The following CNNM2 variants were observed in gnomAD, a reference collection of about 807,000 sequenced individuals.
CNNM2 encodes cyclin and CBS domain divalent metal cation transport mediator 2.
A neutral mutation model predicts 66.9 loss-of-function variants in CNNM2; 12 were observed. The observed-to-expected ratio is 0.18, with a 90% CI of 0.11 to 0.29. The LOEUF (loss-of-function observed/expected upper bound fraction) is 0.29, where lower values mean the gene tolerates loss of function less well. Ranked by LOEUF, CNNM2 falls within the 10% of genes least tolerant of loss-of-function variation. The probability of loss-of-function intolerance (pLI) is 1.00; values close to 1 mark genes in which losing one functional copy is unlikely to be tolerated. For missense variants in CNNM2, 705 were observed against 1,167.7 expected, an observed-to-expected ratio of 0.60 and a Z score of 5.77; for synonymous variants, 557 against 501.8, an observed-to-expected ratio of 1.11 and a Z score of -1.47.
intron 1 of CNNM2, among the ~76,000 whole-genome samples, chr10:103,006,432 C>T (rs938300985): frequency 6.6e-6 from 1 of 151,988 alleles, no homozygotes; most frequent in Admixed American, 6.6e-5. Flanking sequence ...GTCTTGAATC[C>T]GGACCTCAAG....
At chr10:102,952,296 G>C (rs1309892576) in intron 1 of CNNM2, among the ~76,000 whole-genome samples, 6 of 151,992 alleles carry the variant, frequency 3.9e-5, no homozygotes, top group Non-Finnish European at 7.4e-5. Flanking sequence ...CGGGCGCAGT[G>C]GCTCACGCCT....
intron 1 of CNNM2, among the ~76,000 whole-genome samples, chr10:102,939,334 T>C (rs1042574118): frequency 1.3e-5 from 2 of 152,228 alleles, no homozygotes; most frequent in African/African-American, 2.4e-5. Flanking sequence ...TCTTCAAGAA[T>C]AGCTAGTTAC....
At chr10:103,017,147 GTTTTC>G (rs1402748324) in intron 1 of CNNM2, among the ~76,000 whole-genome samples, 1 of 151,994 alleles carries the variant, frequency 6.6e-6, no homozygotes, top group Non-Finnish European at 1.5e-5. Context: ...GTGGATGTTT[GTTTTC>G]TTTTACGCTG....
At chr10:102,958,234 C>A (rs1236690396) in intron 1 of CNNM2, among the ~76,000 whole-genome samples, 1 of 152,092 alleles carries the variant, frequency 6.6e-6, no homozygotes, top group Non-Finnish European at 1.5e-5. Flanking sequence ...CTGCGCCCGG[C>A]CTGAGCCACT....
intron 1 of CNNM2, among the ~76,000 whole-genome samples, chr10:103,029,848 A>G (rs936504162): frequency 6.7e-6 from 1 of 149,492 alleles, no homozygotes; most frequent in African/African-American, 2.5e-5. Flanking sequence ...CCTGGGAGAC[A>G]GAGCAAGACT....
chr10:102,985,111 T>A (rs941514769), intron 1 of CNNM2, among the ~76,000 whole-genome samples: 3 of 152,206 alleles, frequency 2.0e-5, no homozygotes, highest in Non-Finnish European at 4.4e-5. Flanking sequence ...TTTTTTCTTT[T>A]TAACTTTCTG....
chr10:103,013,241 C>T (rs1666494298), intron 1 of CNNM2, among the ~76,000 whole-genome samples: 1 of 152,018 alleles, frequency 6.6e-6, no homozygotes, highest in Admixed American at 6.6e-5. Context: ...GATAAAAACC[C>T]AGGGAATGTT....
chr10:102,927,375 A>G lies in CNNM2; in HGVS notation c.1621+7274A>G, dbSNP rs750314392. 10 of 1,613,948 alleles carry G rather than the reference A, an allele frequency of 6.2e-6. No individual in the cohort carries two copies. The Admixed American group carries it at 1.3e-4, about 22-fold the overall frequency. ...ACAAACAAGAAACCCAAATCATACC[A>G]ACACTGAAAAGAAGAGACAATAAGA... On this transcript the variant is annotated intron_variant, in intron 1 of 7. Coordinates refer to ENST00000369878, the MANE Select transcript of CNNM2 (RefSeq NM_017649.5).
At chr10:102,927,217 T>C in intron 1 of CNNM2, 1 of 1,263,718 alleles carries the variant, frequency 7.9e-7, no homozygotes, top group South Asian at 1.4e-5. Context: ...GACAGTAAAC[T>C]TTCAATTCAT....
chr10:103,065,968 A>G (rs2065470005), intron 4 of CNNM2, among the ~76,000 whole-genome samples: 1 of 152,050 alleles, frequency 6.6e-6, no homozygotes, highest in Admixed American at 6.5e-5. Flanking sequence ...GGCCCCACAG[A>G]TGGGGATGTC....
Position 103,056,689 on chromosome 10 carries a change from C to A in CNNM2, c.1904-106C>A. On this transcript the variant is annotated intron_variant, in intron 3 of 7. Coordinates refer to ENST00000369878, the MANE Select transcript of CNNM2 (RefSeq NM_017649.5). ...GAAGCCTCGTCCATTCAAATGCTAT[C>A]ACTTTGATTCCAAGTATTCTTATCT... The A allele has an allele frequency of 6.6e-6, 7 of 1,068,194 alleles. No homozygotes were observed. The South Asian group carries it at 6.9e-5, about 11-fold the overall frequency. The allele number at this position is 1,068,194 out of a possible 1,614,324, so 66.2% of individuals were successfully genotyped here.
rs12241656 is a variant in CNNM2, at chr10:102,949,244, C to T, written c.1621+29143C>T. Among the ~76,000 whole-genome samples the T allele has an allele frequency of 0.11, 16,525 of 151,960 alleles. 913 individuals carry two copies. The highest frequency in any genetic ancestry group is 0.18 in the Middle Eastern group (52 of 294). ...AGGCTGGAGTGCAGTGGTGTGATCT[C>T]GGCTCACCGCAACCTCCGCCTCCCC... On this transcript the variant is annotated intron_variant, in intron 1 of 7. Transcript: ENST00000369878.
At chr10:102,927,499 C>A in intron 1 of CNNM2, 1 of 1,563,054 alleles carries the variant, frequency 6.4e-7, no homozygotes, top group Non-Finnish European at 8.7e-7. Flanking sequence ...GTGGCTCATG[C>A]CTGTAATCCC....
At chr10:102,965,639 C>T (rs1413374760) in intron 1 of CNNM2, among the ~76,000 whole-genome samples, 1 of 152,138 alleles carries the variant, frequency 6.6e-6, no homozygotes, top group South Asian at 2.1e-4. Context: ...CTTGAGTCAG[C>T]GTCTTTATCC....
intron 7 of CNNM2, 62 bp downstream of exon 7, chr10:103,076,332 T>C (rs1226692934): frequency 6.6e-7 from 1 of 1,507,784 alleles, no homozygotes; most frequent in African/African-American, 1.4e-5. Context: ...CCCTGGCAAA[T>C]TGTCTGTTTT....
At chr10:103,048,131 G>A (rs970828727) in intron 1 of CNNM2, among the ~76,000 whole-genome samples, 1 of 151,338 alleles carries the variant, frequency 6.6e-6, no homozygotes, top group Non-Finnish European at 1.5e-5. Context: ...CACCATGTTG[G>A]CCAGGTTGGT....
At chr10:102,945,466 A>T (rs1454980128) in intron 1 of CNNM2, among the ~76,000 whole-genome samples, 2 of 152,168 alleles carry the variant, frequency 1.3e-5, no homozygotes, top group Non-Finnish European at 2.9e-5. Flanking sequence ...AAGAAAGCAT[A>T]TATTATGTTT....
intron 1 of CNNM2, among the ~76,000 whole-genome samples, chr10:102,985,367 C>A (rs1050388248): frequency 3.3e-5 from 5 of 152,044 alleles, no homozygotes; most frequent in African/African-American, 9.7e-5. Flanking sequence ...TTTTAAAATT[C>A]TGCTGTGAGT....
At chr10:102,975,821 CTA>C (rs544268309) in intron 1 of CNNM2, among the ~76,000 whole-genome samples, 51 of 152,190 alleles carry the variant, frequency 3.4e-4, no homozygotes, top group Non-Finnish European at 6.3e-4. Context: ...CCAATTAAAA[CTA>C]TGAGAAAACT....
Sources: allele counts gnomAD v4.1 joint callset (sites outside exome capture counted in the v4.1 genomes callset), GRCh38; gene constraint gnomAD v4.1.1; transcripts MANE v1.5; gene names NCBI Gene and HGNC (gene_info 2026-07-23, HGNC 2026-07-21).